The following SCAPER variants were observed in gnomAD, a reference collection of about 807,000 sequenced individuals.
SCAPER encodes the protein S phase cyclin A-associated protein in the endoplasmic reticulum.
In SCAPER, 98 loss-of-function variants were observed where a neutral mutation model predicts 182.2. That is an observed-to-expected ratio of 0.54 (90% CI 0.46 to 0.64). SCAPER has a LOEUF of 0.64. Among genes scored for constraint, SCAPER ranks in the 30% least tolerant of loss-of-function variants. The pLI, the probability that SCAPER is intolerant of heterozygous loss-of-function variation, is 0.00. For missense variants in SCAPER, 1,432 were observed against 1,690.0 expected, an observed-to-expected ratio of 0.85 and a Z score of 2.68; for synonymous variants, 605 against 564.6, an observed-to-expected ratio of 1.07 and a Z score of -1.01.
intron 15 of SCAPER, among the ~76,000 whole-genome samples, chr15:76,742,466 T>TAAAAAAAAAAAAAA (rs55751202): frequency 2.2e-4 from 8 of 37,052 alleles, no homozygotes; most frequent in African/African-American, 6.0e-4. Context: ...TGTCTTTTCC[T>TAAAAAAAAAAAAAA]AAAAAAAAAA....
chr15:76,901,763 A>C (rs2074802807), intron 1 of SCAPER, among the ~76,000 whole-genome samples: 1 of 151,510 alleles, frequency 6.6e-6, no homozygotes, highest in Admixed American at 6.6e-5. Context: ...TCTGTTGTTC[A>C]GGCTGCAGTG....
chr15:76,353,067 G>A (rs114976193), intron 30 of SCAPER, among the ~76,000 whole-genome samples: 24 of 152,076 alleles, frequency 1.6e-4, no homozygotes, highest in African/African-American at 4.3e-4. Context: ...AAGAGGGCTC[G>A]GGGAACTCCT....
At chr15:76,698,722 C>CA (rs2058777998) in intron 20 of SCAPER, among the ~76,000 whole-genome samples, 1 of 151,974 alleles carries the variant, frequency 6.6e-6, no homozygotes, top group Admixed American at 6.6e-5. Flanking sequence ...TAAAAAATCA[C>CA]AAAAAAAGTG....
At chr15:76,872,760 A>ATATTATATATATAT (rs1482656708) in intron 2 of SCAPER, among the ~76,000 whole-genome samples, 7 of 151,730 alleles carry the variant, frequency 4.6e-5, no homozygotes, top group Non-Finnish European at 8.8e-5. Context: ...AAAACAGTAA[A>ATATTATATATATAT]AATATAAATA....
At chr15:76,548,908 C>T (rs1361773852) in intron 23 of SCAPER, among the ~76,000 whole-genome samples, 1 of 152,122 alleles carries the variant, frequency 6.6e-6, no homozygotes. Context: ...GTCTAAAACA[C>T]CAAAAGCAAT....
At chr15:76,892,846 A>G (rs2074236640) in intron 1 of SCAPER, among the ~76,000 whole-genome samples, 1 of 152,238 alleles carries the variant, frequency 6.6e-6, no homozygotes, top group African/African-American at 2.4e-5. Flanking sequence ...ATTATAAATC[A>G]TGCTACTATA....
chr15:76,449,224 T>C (rs1214998647), intron 25 of SCAPER, among the ~76,000 whole-genome samples: 1 of 152,222 alleles, frequency 6.6e-6, no homozygotes, highest in Non-Finnish European at 1.5e-5. Context: ...AGAAAAAGTT[T>C]TGGTCTTACT....
In SCAPER at chr15:76,884,915, C is replaced by G. The variant is rs1595901817; in HGVS notation, c.-59-1039G>C. On this transcript the variant is annotated intron_variant, in intron 1 of 31. Coordinates refer to ENST00000563290, the MANE Select transcript of SCAPER (RefSeq NM_020843.4). ...AAACATCATGCTAAGTGAAAGAAGC[C>G]AGTTATAAAAGAACACATATTGTAT... is the stretch of plus-strand genomic sequence containing the variant. 2.6e-5 allele frequency among the ~76,000 whole-genome samples: 4 copies of G among 152,172 alleles called. No homozygotes were observed. The South Asian group carries it at 8.3e-4, about 32-fold the overall frequency.
At chr15:76,839,939 AAAC>A (rs1459334677) in intron 5 of SCAPER, among the ~76,000 whole-genome samples, 1 of 152,210 alleles carries the variant, frequency 6.6e-6, no homozygotes, top group African/African-American at 2.4e-5. Flanking sequence ...TGTTATTTTT[AAAC>A]AACAACAAAA....
chr15:76,652,303 T>C lies in SCAPER; in HGVS notation c.2645+13350A>G, dbSNP rs1246336209. On this transcript the variant is annotated intron_variant, in intron 21 of 31. Transcript: ENST00000563290. Reference sequence around the variant, plus strand: ...ATATATATATATATATATATATATATATATATACACACACACACACACACA... The same window carrying C: ...ATATATATATATATATATATATATACATATATACACACACACACACACACA... Among the ~76,000 whole-genome samples the C allele has an allele frequency of 4.1e-3, 105 of 25,738 alleles. 7 individuals carry two copies. The highest frequency in any genetic ancestry group is 0.017 in the African/African-American group (79 of 4,780). 16.9% of individuals were successfully genotyped at this position (25,738 alleles called of 152,430 possible).
At chr15:76,761,720 G>T (rs539844763) in intron 14 of SCAPER, among the ~76,000 whole-genome samples, 1 of 152,212 alleles carries the variant, frequency 6.6e-6, no homozygotes, top group South Asian at 2.1e-4. Context: ...CTATTCTGAA[G>T]AACGTTTCAT....
At chr15:76,628,920 CA>C (rs1395154780) in intron 21 of SCAPER, among the ~76,000 whole-genome samples, 10 of 152,070 alleles carry the variant, frequency 6.6e-5, no homozygotes, top group Non-Finnish European at 1.5e-4. Context: ...AATGTTTTTC[CA>C]TTTGTTTGTG....
At chr15:76,406,920 C>T (rs2044889216) in intron 26 of SCAPER, among the ~76,000 whole-genome samples, 1 of 152,166 alleles carries the variant, frequency 6.6e-6, no homozygotes, top group Admixed American at 6.5e-5. Context: ...GAGGACCACT[C>T]AACATCTTCT....
intron 2 of SCAPER, among the ~76,000 whole-genome samples, chr15:76,868,938 T>C (rs2062678506): frequency 6.6e-6 from 1 of 152,192 alleles, no homozygotes; most frequent in Admixed American, 6.5e-5. Context: ...TGGAACAGAA[T>C]AGAGAACCCA....
chr15:76,460,387 G>C (rs114900592), intron 25 of SCAPER, among the ~76,000 whole-genome samples: 2 of 151,960 alleles, frequency 1.3e-5, no homozygotes, highest in Non-Finnish European at 2.9e-5. Flanking sequence ...AAATGTTACC[G>C]ATTTTTATAA....
In SCAPER at chr15:76,733,082, G is replaced by C; in HGVS notation, c.2022+147C>G. On this transcript the variant is annotated intron_variant, in intron 16 of 31. Transcript: ENST00000563290. ...GGTGGTAGTGGTCCCCCCAGGCCCA[G>C]CTGTCTTTTATTTCTTTGTCTTATG... 5 of 741,614 alleles carry C rather than the reference G, an allele frequency of 6.7e-6. No homozygotes were observed. In the South Asian group the frequency reaches 9.7e-5, roughly 14 times the overall value. 45.9% of individuals were successfully genotyped at this position (741,614 alleles called of 1,614,324 possible). A position where few individuals can be genotyped will look rare whatever the true frequency, so the allele number is the denominator to read the frequency against.
At chr15:76,783,066 T>A (rs1200189793) in intron 8 of SCAPER, among the ~76,000 whole-genome samples, 1 of 151,234 alleles carries the variant, frequency 6.6e-6, no homozygotes, top group Non-Finnish European at 1.5e-5. Context: ...ACACAAAAAA[T>A]CCTTCAAAAA....
intron 21 of SCAPER, among the ~76,000 whole-genome samples, chr15:76,636,034 A>C (rs2053567670): frequency 6.6e-6 from 1 of 152,174 alleles, no homozygotes; most frequent in African/African-American, 2.4e-5. Flanking sequence ...TGTTGTCTTT[A>C]TGTGGCATTA....
Position 76,511,310 on chromosome 15 carries a change from ACT to A in SCAPER, c.2839-6338_2839-6337del, listed in dbSNP as rs1012875070. ...AGTAGATGCAAAAAGACATAAAATT[ACT>A]CTGTCAACTTGCAAAATTTACTCTT... On this transcript the variant is annotated intron_variant, in intron 23 of 31. Transcript: ENST00000563290. 3.7e-4 allele frequency among the ~76,000 whole-genome samples: 57 copies of A among 152,160 alleles called. 1 individual carries two copies. The highest frequency in any genetic ancestry group is 1.3e-4 in the Non-Finnish European group (9 of 68,006).
Sources: gnomAD v4.1 joint callset for allele counts (sites outside exome capture counted in the v4.1 genomes callset) on GRCh38, gnomAD v4.1.1 for gene constraint, MANE v1.5 for transcripts, NCBI Gene and HGNC (gene_info 2026-07-23, HGNC 2026-07-21) for gene names.